NBEA: variants seen among roughly 807,000 people sequenced by gnomAD.
The protein encoded by NBEA is neurobeachin.
Under a neutral mutation model 343.4 loss-of-function variants are expected in NBEA, and 44 were observed. The observed-to-expected ratio is 0.13, with a 90% CI of 0.10 to 0.16. The LOEUF is 0.16. Among genes scored for constraint, NBEA ranks in the 10% least tolerant of loss-of-function variants. NBEA has a pLI of 1.00. For missense variants in NBEA, 2,555 were observed against 3,631.3 expected (o/e 0.70, Z 7.62); for synonymous variants, 1,175 against 1,238.7 (o/e 0.95, Z 1.08).
chr13:35,340,291 C>T (rs1367647858), intron 36 of NBEA, among the ~76,000 whole-genome samples: 1 of 151,936 alleles, frequency 6.6e-6, no homozygotes, highest in Non-Finnish European at 1.5e-5. Context: ...TATTATTCAG[C>T]CTTAAAAAGG....
chr13:35,173,693 G>C, intron 27 of NBEA, 99 bp downstream of exon 27: 2 of 1,181,678 alleles, frequency 1.7e-6, no homozygotes, highest in Non-Finnish European at 2.3e-6. Flanking sequence ...CAGTGATAGA[G>C]AGCAAGGACA....
chr13:35,474,794 G>A (rs2075790093), intron 41 of NBEA: 2 of 422,354 alleles, frequency 4.7e-6, no homozygotes, highest in Non-Finnish European at 8.5e-6. Context: ...GGAGTGTTAC[G>A]GTGTACTTTT....
intron 10 of NBEA, among the ~76,000 whole-genome samples, chr13:35,084,709 A>G (rs1340440748): frequency 4.6e-5 from 7 of 152,176 alleles, no homozygotes; most frequent in African/African-American, 7.2e-5. Flanking sequence ...AAAAGCTAGC[A>G]GAAGGCAAGA....
At chr13:35,669,730 T>C (rs1302235190) in intron 58 of NBEA, among the ~76,000 whole-genome samples, 1 of 152,172 alleles carries the variant, frequency 6.6e-6, no homozygotes, top group East Asian at 1.9e-4. Flanking sequence ...TTTGCTGCCA[T>C]CATCATAGGT....
intron 40 of NBEA, among the ~76,000 whole-genome samples, chr13:35,468,872 G>A (rs2075517157): frequency 6.6e-6 from 1 of 152,104 alleles, no homozygotes; most frequent in Admixed American, 6.6e-5. Flanking sequence ...GCCAAGCCAG[G>A]TGGATCAACT....
chr13:35,414,500 G>C (rs544404044), intron 38 of NBEA, among the ~76,000 whole-genome samples: 1 of 151,944 alleles, frequency 6.6e-6, no homozygotes, highest in Non-Finnish European at 1.5e-5. Flanking sequence ...CGGTCCTTGC[G>C]ATAGTTTGCT....
chr13:35,353,951 C>T (rs749694823), intron 38 of NBEA, among the ~76,000 whole-genome samples: 3 of 152,134 alleles, frequency 2.0e-5, no homozygotes, highest in South Asian at 2.1e-4. Context: ...CTAGAAACTC[C>T]GGCAAGATTT....
intron 36 of NBEA, among the ~76,000 whole-genome samples, chr13:35,346,127 C>A (rs914950724): frequency 6.6e-6 from 1 of 152,092 alleles, no homozygotes; most frequent in African/African-American, 2.4e-5. Flanking sequence ...AAAGCCTCCA[C>A]CCCCACAGCC....
Position 35,420,923 on chromosome 13 carries a change from T to A in NBEA, c.6180-11346T>A, listed in dbSNP as rs899642916. On this transcript the variant is annotated intron_variant, in intron 38 of 58. Transcript: ENST00000379939. The stretch of plus-strand genomic sequence containing the variant: ...TCTTTTTAGAGGTGTGTCAGTGTTA[T>A]TGATTTTTTTCAAAGAAACAGCTCT... Among the ~76,000 whole-genome samples, 3 of 152,124 alleles carry A rather than the reference T, an allele frequency of 2.0e-5. No individual in the cohort carries two copies. In the East Asian group the frequency reaches 5.8e-4, roughly 29 times the overall value.
chr13:35,352,157 T>C lies in NBEA; in HGVS notation c.6013T>C (p.Ser2005Pro). 1 of 1,442,622 alleles carries C rather than the reference T, an allele frequency of 6.9e-7. No individual in the cohort carries two copies. Among genetic ancestry groups the C allele is most frequent in the East Asian group, 2.6e-5 (1 of 38,110 alleles). The allele number at this position is 1,442,622 out of a possible 1,614,324, so 89.4% of individuals were successfully genotyped here. A position where few individuals can be genotyped will look rare whatever the true frequency, so the allele number is the denominator to read the frequency against. ...ATGCATCATTTGTATTTCTTTATAG[T>C]CACAGTGTGCCCAATATGCTGCTGA... ...EDVHKHAEFE[S>P]QCAQYAADRR... The change falls in exon 38 of 59, where the codon TCA (serine) becomes CCA (proline). Residue 2005 changes from serine to proline, a missense_variant and splice_region_variant. Ser to Pro is a moderately conservative substitution (Grantham distance 74). Transcript: ENST00000379939.
chr13:35,016,564 C>T (rs1412080325), intron 1 of NBEA, among the ~76,000 whole-genome samples: 13 of 147,568 alleles, frequency 8.8e-5, no homozygotes, highest in Admixed American at 6.3e-4. Flanking sequence ...ATACAAGCTC[C>T]ACCGTCCTTC....
Position 34,953,181 on chromosome 13 carries a change from T to C in NBEA, c.294+10067T>C, listed in dbSNP as rs1331040488. 2.6e-5 allele frequency among the ~76,000 whole-genome samples: 4 copies of C among 152,328 alleles called. No individual in the cohort carries two copies. The South Asian group carries it at 8.3e-4, about 32-fold the overall frequency. On this transcript the variant is annotated intron_variant, in intron 1 of 58. Transcript: ENST00000379939. ...TATTCAGTGAAATAAAGTAATTGTC[T>C]TTTTAAGCTAAGCAAGTCTGCTGTC... is the stretch of plus-strand genomic sequence containing the variant.
chr13:35,546,795 C>T (rs1240053388), intron 41 of NBEA, among the ~76,000 whole-genome samples: 1 of 152,022 alleles, frequency 6.6e-6, no homozygotes, highest in Non-Finnish European at 1.5e-5. Flanking sequence ...CCTTGTGATC[C>T]ACCCACCTCA....
Position 35,476,203 on chromosome 13 carries a change from GC to G in NBEA, c.6585+3668del, listed in dbSNP as rs985284886. The G allele has an allele frequency of 6.8e-6, 11 of 1,609,844 alleles. No homozygotes were observed. In the Admixed American group the frequency reaches 1.0e-4, roughly 15 times the overall value. On this transcript the variant is annotated intron_variant, in intron 41 of 58. Coordinates refer to ENST00000379939, the MANE Select transcript of NBEA (RefSeq NM_001385012.1). ...GTAAGCTGTGGGATCCAATGCGGCT[GC>G]TAGAGCTGGAGCCAACTTCGGTGGA...
intron 37 of NBEA, among the ~76,000 whole-genome samples, chr13:35,349,510 A>T (rs1566012721): frequency 2.0e-5 from 3 of 152,138 alleles, no homozygotes; most frequent in Admixed American, 2.0e-4. Flanking sequence ...CAACAATTTT[A>T]GTTATTTTAA....
At chr13:35,356,188 T>G (rs2040481698) in intron 38 of NBEA, among the ~76,000 whole-genome samples, 2 of 152,186 alleles carry the variant, frequency 1.3e-5, no homozygotes, top group African/African-American at 4.8e-5. Context: ...TAATTTTATA[T>G]TTTATTTAAC....
chr13:35,086,463 C>G (rs927538754), intron 10 of NBEA, among the ~76,000 whole-genome samples: 2 of 151,958 alleles, frequency 1.3e-5, no homozygotes, highest in African/African-American at 4.8e-5. Flanking sequence ...TGGTACCCTT[C>G]CCAGACTCTG....
At chr13:35,365,835 A>G (rs1009579073) in intron 38 of NBEA, among the ~76,000 whole-genome samples, 7 of 151,596 alleles carry the variant, frequency 4.6e-5, no homozygotes, top group Non-Finnish European at 7.4e-5. Context: ...TTTGTTTTTC[A>G]TAAGTGAAGA....
chr13:35,350,815 AC>A (rs1413201965), intron 37 of NBEA, among the ~76,000 whole-genome samples: 10 of 151,218 alleles, frequency 6.6e-5, no homozygotes, highest in African/African-American at 2.4e-4. Flanking sequence ...AAAAGATTTT[AC>A]AAGTCATGAC....
Sources: gnomAD v4.1 joint callset for allele counts (sites outside exome capture counted in the v4.1 genomes callset) on GRCh38, gnomAD v4.1.1 for gene constraint, MANE v1.5 for transcripts, NCBI Gene and HGNC (gene_info 2026-07-23, HGNC 2026-07-21) for gene names.